HIVEP3: variants seen among roughly 807,000 people sequenced by gnomAD.
HIVEP3 encodes HIVEP zinc finger 3.
A neutral mutation model predicts 152.8 loss-of-function variants in HIVEP3; 49 were observed. The ratio of observed to expected loss-of-function variants is 0.32; its 90% CI spans 0.26 to 0.41. HIVEP3 has a LOEUF of 0.41. HIVEP3 is among the 10% of genes least tolerant of loss of function. The probability of loss-of-function intolerance (pLI) is 1.00; values close to 1 mark genes in which losing one functional copy is unlikely to be tolerated. For synonymous variants in HIVEP3, 1,269 were observed against 1,289.0 expected (o/e 0.98, Z 0.33); for missense variants, 2,790 against 3,103.3 (o/e 0.90, Z 2.40).
chr1:41,554,943 G>A (rs1427180617), intron 5 of HIVEP3, among the ~76,000 whole-genome samples: 2 of 152,190 alleles, frequency 1.3e-5, no homozygotes, highest in Non-Finnish European at 1.5e-5. Flanking sequence ...TAGGCTACAC[G>A]GGGGTCAAGA....
intron 1 of HIVEP3, among the ~76,000 whole-genome samples, chr1:41,992,580 A>T (rs1645369490): frequency 6.7e-6 from 1 of 148,634 alleles, no homozygotes; most frequent in Non-Finnish European, 1.5e-5. Flanking sequence ...TGCCCAAGGT[A>T]ATTTACAGAT....
At chr1:41,888,920 C>T (rs577789875) in intron 1 of HIVEP3, among the ~76,000 whole-genome samples, 10 of 149,086 alleles carry the variant, frequency 6.7e-5, no homozygotes, top group African/African-American at 1.2e-4. Context: ...ATACCTCACA[C>T]ACCACATGCC....
At chr1:41,970,231 A>T (rs1645221330) in intron 1 of HIVEP3, among the ~76,000 whole-genome samples, 1 of 152,232 alleles carries the variant, frequency 6.6e-6, no homozygotes, top group Admixed American at 6.5e-5. Context: ...ATAAAGATGC[A>T]TGCATGCATA....
chr1:41,683,664 C>T (rs1006059084), intron 2 of HIVEP3, among the ~76,000 whole-genome samples: 11 of 152,196 alleles, frequency 7.2e-5, no homozygotes, highest in Admixed American at 3.3e-4. Context: ...TGTGTTTTCC[C>T]GTGAGATTTT....
intron 2 of HIVEP3, among the ~76,000 whole-genome samples, chr1:41,665,285 A>C (rs997966553): frequency 3.3e-5 from 5 of 152,212 alleles, no homozygotes; most frequent in Admixed American, 1.3e-4. Flanking sequence ...GCAGAAAGGC[A>C]GAGTTGAGGT....
chr1:42,009,049 G>A (rs998986148), intron 1 of HIVEP3, among the ~76,000 whole-genome samples: 3 of 152,154 alleles, frequency 2.0e-5, no homozygotes, highest in Admixed American at 1.3e-4. Flanking sequence ...CTAAGGAGAC[G>A]CTGCAAAATA....
At chr1:41,655,304 C>T (rs930957989) in intron 2 of HIVEP3, among the ~76,000 whole-genome samples, 4 of 151,962 alleles carry the variant, frequency 2.6e-5, no homozygotes, top group Admixed American at 6.6e-5. Flanking sequence ...CCTCTGAGGC[C>T]GCGCGCGGTG....
At chr1:41,679,450 G>A (rs1160880753) in intron 2 of HIVEP3, among the ~76,000 whole-genome samples, 1 of 152,190 alleles carries the variant, frequency 6.6e-6, no homozygotes, top group African/African-American at 2.4e-5. Context: ...TTGGGTGCGT[G>A]GGACTCATTT....
chr1:41,788,633 C>T (rs562191322), intron 1 of HIVEP3, among the ~76,000 whole-genome samples: 1 of 152,372 alleles, frequency 6.6e-6, no homozygotes, highest in African/African-American at 2.4e-5. Flanking sequence ...AGTCCTGGGA[C>T]ATGGTCCAGG....
chr1:41,567,199 A>G (rs1205529941), intron 5 of HIVEP3, among the ~76,000 whole-genome samples: 1 of 152,202 alleles, frequency 6.6e-6, no homozygotes, highest in Non-Finnish European at 1.5e-5. Flanking sequence ...GAAATACGGT[A>G]GTCAGTCTCA....
At chr1:41,674,674 G>T (rs951775806) in intron 2 of HIVEP3, among the ~76,000 whole-genome samples, 1 of 152,154 alleles carries the variant, frequency 6.6e-6, no homozygotes, top group Non-Finnish European at 1.5e-5. Flanking sequence ...GCCCCACCCG[G>T]CTGCCGGCCA....
intron 1 of HIVEP3, among the ~76,000 whole-genome samples, chr1:41,811,639 C>T (rs1366290567): frequency 2.0e-5 from 3 of 151,920 alleles, no homozygotes; most frequent in Non-Finnish European, 4.4e-5. Context: ...TCCAGAGACA[C>T]TGTCCTGAAC....
At chr1:41,602,470 C>G (rs1644761891) in intron 3 of HIVEP3, among the ~76,000 whole-genome samples, 1 of 152,012 alleles carries the variant, frequency 6.6e-6, no homozygotes, top group South Asian at 2.1e-4. Flanking sequence ...ATAATTTAGT[C>G]TTGTATTTTT....
At chr1:41,537,275 G>A (rs1331066295) in intron 5 of HIVEP3, among the ~76,000 whole-genome samples, 3 of 152,154 alleles carry the variant, frequency 2.0e-5, no homozygotes, top group African/African-American at 7.2e-5. Flanking sequence ...TCCAAGTCTG[G>A]ATATTTTAAA....
At chr1:42,011,704 C>G (rs776167514) in intron 1 of HIVEP3, among the ~76,000 whole-genome samples, 42 of 152,350 alleles carry the variant, frequency 2.8e-4, no homozygotes, top group Middle Eastern at 3.4e-3. Context: ...GCCTCAAAGC[C>G]TCAAGGCAGA....
chr1:41,518,183 C>T (rs1642662380), intron 7 of HIVEP3, among the ~76,000 whole-genome samples: 1 of 152,180 alleles, frequency 6.6e-6, no homozygotes, highest in Admixed American at 6.5e-5. Flanking sequence ...CAGAGCATAT[C>T]CTATCAGCAT....
intron 1 of HIVEP3, among the ~76,000 whole-genome samples, chr1:41,916,249 G>C (rs1472153166): frequency 3.3e-5 from 5 of 152,186 alleles, no homozygotes; most frequent in Non-Finnish European, 7.3e-5. Context: ...AATGGGCGGA[G>C]ACAGCTCAAC....
intron 3 of HIVEP3, among the ~76,000 whole-genome samples, chr1:41,586,859 T>G (rs1376246330): frequency 1.3e-5 from 2 of 151,948 alleles, no homozygotes; most frequent in Non-Finnish European, 2.9e-5. Flanking sequence ...AAAACCATAT[T>G]TATAGAAGAA....
intron 1 of HIVEP3, among the ~76,000 whole-genome samples, chr1:41,746,716 A>G (rs1647077551): frequency 6.6e-6 from 1 of 152,128 alleles, no homozygotes; most frequent in Admixed American, 6.6e-5. Flanking sequence ...ACACTGTTGG[A>G]GCTTGGCCCC....
Sources: gnomAD v4.1 joint callset for allele counts (sites outside exome capture counted in the v4.1 genomes callset) on GRCh38, gnomAD v4.1.1 for gene constraint, MANE v1.5 for transcripts, NCBI Gene and HGNC (gene_info 2026-07-23, HGNC 2026-07-21) for gene names.